DPP10: variants seen among roughly 807,000 people sequenced by gnomAD.
DPP10 encodes inactive dipeptidyl peptidase 10.
A neutral mutation model predicts 120.9 loss-of-function variants in DPP10; 33 were observed. That is an observed-to-expected ratio of 0.27 (90% confidence interval 0.21 to 0.37). DPP10 has a LOEUF of 0.37. DPP10 is among the 10% of genes least tolerant of loss of function. DPP10 has a pLI of 1.00. For missense variants in DPP10, 816 were observed against 942.8 expected (o/e 0.87, Z 1.76); for synonymous variants, 337 against 326.1 (o/e 1.03, Z -0.36).
chr2:114,910,640 A>G (rs1237475742), intron 1 of DPP10, among the ~76,000 whole-genome samples: 1 of 152,138 alleles, frequency 6.6e-6, no homozygotes, highest in Non-Finnish European at 1.5e-5. Flanking sequence ...GGATTAGGGT[A>G]TAAAACAGAA....
intron 3 of DPP10, among the ~76,000 whole-genome samples, chr2:115,494,427 G>A (rs1407406189): frequency 6.6e-6 from 1 of 152,064 alleles, no homozygotes; most frequent in African/African-American, 2.4e-5. Context: ...GGATATTGAA[G>A]CCATTTCTAA....
rs548524297 is a variant in DPP10, at chr2:114,722,676, T to C, written c.60+279838T>C. On this transcript the variant is annotated intron_variant, in intron 1 of 25. Transcript: ENST00000410059. ...CTGTAGTCCCAGCTGCTCAGGAGGC[T>C]GAGGCAGGAGAATGGCATGAACCTG... Among the ~76,000 whole-genome samples the C allele has an allele frequency of 4.1e-5, 6 of 146,234 alleles. No homozygotes were observed. In the South Asian group the frequency reaches 1.3e-3, roughly 31 times the overall value.
chr2:115,408,224 A>G (rs533028369), intron 3 of DPP10, among the ~76,000 whole-genome samples: 1 of 152,250 alleles, frequency 6.6e-6, no homozygotes, highest in African/African-American at 2.4e-5. Flanking sequence ...TGACAGGAAC[A>G]GGAACTTTCC....
At chr2:115,142,940 G>C (rs2051009839) in intron 1 of DPP10, among the ~76,000 whole-genome samples, 1 of 152,102 alleles carries the variant, frequency 6.6e-6, no homozygotes, top group South Asian at 2.1e-4. Flanking sequence ...CTAGTTGTTT[G>C]AGTTTGGGGG....
intron 1 of DPP10, among the ~76,000 whole-genome samples, chr2:115,138,191 T>G (rs1259684408): frequency 1.3e-5 from 2 of 151,258 alleles, no homozygotes; most frequent in Admixed American, 6.6e-5. Flanking sequence ...GCTTATCAAT[T>G]TTTTTTTTAG....
Position 115,220,545 on chromosome 2 carries a change from T to A in DPP10, c.61-88694T>A, listed in dbSNP as rs1466863206. Reference sequence around the variant, plus strand: ...TGGGCAACAGAGTGAGACCCCCATCTCTATAAAAATAAAAATTTAAAAAAG... The same window carrying A: ...TGGGCAACAGAGTGAGACCCCCATCACTATAAAAATAAAAATTTAAAAAAG... On this transcript the variant is annotated intron_variant, in intron 1 of 25. Coordinates refer to ENST00000410059, the MANE Select transcript of DPP10 (RefSeq NM_020868.6). 3.3e-5 allele frequency among the ~76,000 whole-genome samples: 5 copies of A among 152,058 alleles called. No individual in the cohort carries two copies. In the East Asian group the frequency reaches 9.7e-4, roughly 29 times the overall value.
intron 1 of DPP10, among the ~76,000 whole-genome samples, chr2:114,555,446 T>C (rs1688211230): frequency 6.6e-6 from 1 of 152,152 alleles, no homozygotes; most frequent in Admixed American, 6.5e-5. Context: ...TACATTTCAG[T>C]TGCTGATGAA....
At chr2:114,801,759 T>C (rs1684270743) in intron 1 of DPP10, among the ~76,000 whole-genome samples, 1 of 152,224 alleles carries the variant, frequency 6.6e-6, no homozygotes, top group Non-Finnish European at 1.5e-5. Flanking sequence ...TTTTAGAGTC[T>C]TGCCAATTAT....
chr2:115,705,023 A>G (rs1324034398), intron 7 of DPP10, among the ~76,000 whole-genome samples: 4 of 151,956 alleles, frequency 2.6e-5, no homozygotes, highest in South Asian at 2.1e-4. Flanking sequence ...TTCAAATACA[A>G]ACAAAAATTA....
At chr2:115,171,862 C>A (rs1573883659) in intron 1 of DPP10, among the ~76,000 whole-genome samples, 1 of 152,150 alleles carries the variant, frequency 6.6e-6, no homozygotes, top group African/African-American at 2.4e-5. Context: ...CACCAGACAT[C>A]ACAGAAGTGC....
intron 1 of DPP10, among the ~76,000 whole-genome samples, chr2:114,573,338 T>A (rs1466943755): frequency 2.6e-5 from 4 of 152,116 alleles, no homozygotes; most frequent in Non-Finnish European, 5.9e-5. Flanking sequence ...AAATGAAAGA[T>A]CTTCATTTGG....
At chr2:115,166,730 G>T (rs1191939753) in intron 1 of DPP10, among the ~76,000 whole-genome samples, 1 of 151,446 alleles carries the variant, frequency 6.6e-6, no homozygotes, top group Admixed American at 6.6e-5. Context: ...ACAACTTAAA[G>T]AAAATTGTAT....
intron 1 of DPP10, among the ~76,000 whole-genome samples, chr2:114,934,117 G>A (rs1048295246): frequency 2.6e-5 from 4 of 152,108 alleles, no homozygotes; most frequent in African/African-American, 9.7e-5. Flanking sequence ...TCTTCCTTGA[G>A]TCCACTACAA....
At chr2:115,361,280 T>A (rs1372234755) in intron 3 of DPP10, among the ~76,000 whole-genome samples, 2 of 152,076 alleles carry the variant, frequency 1.3e-5, no homozygotes, top group Non-Finnish European at 2.9e-5. Flanking sequence ...GTTCAAATTC[T>A]AGGGAGTTGA....
chr2:114,835,289 C>T (rs1299916457), intron 1 of DPP10: 2 of 151,542 alleles, frequency 1.3e-5, no homozygotes, highest in Non-Finnish European at 2.9e-5. Context: ...CATATCTACA[C>T]ACCTATGTAT....
intron 1 of DPP10, among the ~76,000 whole-genome samples, chr2:115,276,068 C>G: frequency 6.6e-6 from 1 of 152,200 alleles, no homozygotes; most frequent in East Asian, 1.9e-4. Context: ...AAGTGAATTA[C>G]ATGCCCACCC....
intron 1 of DPP10, among the ~76,000 whole-genome samples, chr2:114,522,185 C>T (rs1164450054): frequency 6.6e-6 from 1 of 151,622 alleles, no homozygotes; most frequent in East Asian, 1.9e-4. Flanking sequence ...GGGGTTTCAC[C>T]GTTTTAGCCG....
At chr2:115,463,827 T>C (rs1363095246) in intron 3 of DPP10, among the ~76,000 whole-genome samples, 1 of 152,154 alleles carries the variant, frequency 6.6e-6, no homozygotes. Context: ...CCTAACCTCT[T>C]AGTGCTGAGA....
chr2:114,498,530 C>T (rs1682876636), intron 1 of DPP10, among the ~76,000 whole-genome samples: 1 of 152,170 alleles, frequency 6.6e-6, no homozygotes, highest in Non-Finnish European at 1.5e-5. Flanking sequence ...GTATTTGGCT[C>T]ACAGTTCTGC....
Sources: allele counts gnomAD v4.1 joint callset (sites outside exome capture counted in the v4.1 genomes callset), GRCh38; gene constraint gnomAD v4.1.1; transcripts MANE v1.5; gene names NCBI Gene and HGNC (gene_info 2026-07-23, HGNC 2026-07-21).